The following DYRK1A variants were observed in gnomAD, a reference collection of about 807,000 sequenced individuals.
The protein encoded by DYRK1A is dual specificity tyrosine-phosphorylation-regulated kinase 1A.
Under a neutral mutation model 79.7 loss-of-function variants are expected in DYRK1A, and 9 were observed. The ratio of observed to expected loss-of-function variants is 0.11; its 90% CI spans 0.07 to 0.20. The LOEUF (loss-of-function observed/expected upper bound fraction) is 0.20. Ranked by LOEUF, DYRK1A falls within the 10% of genes least tolerant of loss-of-function variation. The pLI, the probability that DYRK1A is intolerant of heterozygous loss-of-function variation, is 1.00. For missense variants in DYRK1A, 622 were observed against 956.0 expected (o/e 0.65, Z 4.61); for synonymous variants, 349 against 329.7 (o/e 1.06, Z -0.63).
At chr21:37,501,776 T>C (rs2053458884) in intron 9 of DYRK1A, 2 of 152,220 alleles carry the variant, frequency 1.3e-5, no homozygotes, top group Non-Finnish European at 2.9e-5. Flanking sequence ...TTGTTTGATA[T>C]TTTTCTTCAT....
chr21:37,366,392 C>T (rs1294918682), upstream of DYRK1A, among the ~76,000 whole-genome samples: 1 of 145,160 alleles, frequency 6.9e-6, no homozygotes, highest in Non-Finnish European at 1.5e-5. Flanking sequence ...CTCCCCGGGC[C>T]GCAGTCGGCG....
intron 1 of DYRK1A, among the ~76,000 whole-genome samples, chr21:37,382,379 A>AG (rs1842166967): frequency 6.6e-6 from 1 of 152,120 alleles, no homozygotes; most frequent in Non-Finnish European, 1.5e-5. Flanking sequence ...TCAGTTAGTC[A>AG]GAACTCCCTG....
At chr21:37,504,998 T>A (rs1200108799) in intron 9 of DYRK1A, 1 of 310,232 alleles carries the variant, frequency 3.2e-6, no homozygotes, top group Non-Finnish European at 5.9e-6. Context: ...AGAAAAACCA[T>A]TTGTAGCTGG....
At chr21:37,428,956 C>CT (rs2050701659) in intron 2 of DYRK1A, 1 of 152,148 alleles carries the variant, frequency 6.6e-6, no homozygotes. Flanking sequence ...TTTAAGCACT[C>CT]TTTCTCCTCT....
chr21:37,517,774 C>T lies in DYRK1A; in HGVS notation c.*5243C>T, dbSNP rs1012359630. The stretch of plus-strand genomic sequence containing the variant: ...GGGAGGATGAATTTGGAATCATCAT[C>T]CACTCACTGTTGGACAGAAAGACTG... On this transcript the variant is annotated 3_prime_UTR_variant, in exon 12 of 12. Coordinates refer to ENST00000647188, the MANE Select transcript of DYRK1A (RefSeq NM_001347721.2). The T allele has an allele frequency of 6.6e-6, 1 of 152,198 alleles. No individual in the cohort carries two copies. The highest frequency in any genetic ancestry group is 2.4e-5 in the African/African-American group (1 of 41,414). The allele number at this position is 152,198 out of a possible 1,614,324, so 9.4% of individuals were successfully genotyped here.
chr21:37,377,075 G>A (rs2049559089), intron 1 of DYRK1A, among the ~76,000 whole-genome samples: 1 of 152,004 alleles, frequency 6.6e-6, no homozygotes, highest in Non-Finnish European at 1.5e-5. Context: ...AAACCAAATG[G>A]GATCAGACAT....
At chr21:37,505,910 G>A (rs571765327) in intron 10 of DYRK1A, among the ~76,000 whole-genome samples, 189 bp from the exon 11 acceptor site, 1 of 152,292 alleles carries the variant, frequency 6.6e-6, no homozygotes, top group South Asian at 2.1e-4. Flanking sequence ...GTTAAGTGGT[G>A]GACGAGAGAG....
intron 9 of DYRK1A, chr21:37,501,275 A>T (rs1222274859): frequency 6.8e-6 from 1 of 147,954 alleles, no homozygotes; most frequent in African/African-American, 2.5e-5. Flanking sequence ...GGGTCAAGCA[A>T]CTCTCCTGCC....
In DYRK1A at chr21:37,480,592, A is replaced by T. The variant is rs2052602556; in HGVS notation, c.301-46A>T. On this transcript the variant is annotated intron_variant, in intron 4 of 11. Coordinates refer to ENST00000647188, the MANE Select transcript of DYRK1A (RefSeq NM_001347721.2). The stretch of plus-strand genomic sequence containing the variant: ...ATATACTCTGATAATGCCCTTCCTC[A>T]CAGTGATTTAAATTTTACAGTTAAC... 5.5e-6 allele frequency: 8 copies of T among 1,449,810 alleles called. No individual in the cohort carries two copies. In the South Asian group the frequency reaches 1.1e-4, roughly 20 times the overall value. 89.8% of individuals were successfully genotyped at this position (1,449,810 alleles called of 1,614,324 possible).
At chr21:37,414,877 A>C (rs1238732118) in intron 1 of DYRK1A, among the ~76,000 whole-genome samples, 1 of 152,192 alleles carries the variant, frequency 6.6e-6, no homozygotes, top group Non-Finnish European at 1.5e-5. Context: ...TCACATTCTA[A>C]AGGAAGACAG....
rs151028442 is a variant in DYRK1A, at chr21:37,380,041, G to A, written c.-77+12413G>A. Among the ~76,000 whole-genome samples the A allele has an allele frequency of 2.7e-3, 411 of 152,206 alleles. 2 individuals are homozygous for A. The highest frequency in any genetic ancestry group is 9.2e-3 in the African/African-American group (384 of 41,556). On this transcript the variant is annotated intron_variant, in intron 1 of 11. Transcript: ENST00000647188. ...ATACAAATTAAATTTTCCTTAAAGC[G>A]AACATAGAGTCTATAAAATGGAATA... is the stretch of plus-strand genomic sequence containing the variant.
At chr21:37,457,950 A>G (rs2035181227) in intron 2 of DYRK1A, among the ~76,000 whole-genome samples, 1 of 152,184 alleles carries the variant, frequency 6.6e-6, no homozygotes, top group South Asian at 2.1e-4. Flanking sequence ...ACTTAGTAAC[A>G]CCTTCAGACA....
intron 2 of DYRK1A, among the ~76,000 whole-genome samples, chr21:37,460,939 T>C (rs1432695195): frequency 2.0e-5 from 3 of 152,206 alleles, no homozygotes; most frequent in Admixed American, 6.5e-5. Context: ...AGCAGCTATA[T>C]GTTGGATTAC....
intron 2 of DYRK1A, among the ~76,000 whole-genome samples, chr21:37,422,535 G>C (rs2050503529): frequency 6.6e-6 from 1 of 152,078 alleles, no homozygotes; most frequent in Non-Finnish European, 1.5e-5. Flanking sequence ...TTGTTCTGTT[G>C]GTTAGATGTG....
rs1462723472 is a variant in DYRK1A at position 37,367,456 on chromosome 21, C to T, written c.-249C>T. 1.3e-5 allele frequency: 2 copies of T among 148,628 alleles called. No homozygotes were observed. The highest frequency in any genetic ancestry group is 4.9e-5 in the African/African-American group (2 of 41,016). The allele number at this position is 148,628 out of a possible 1,614,324, so 9.2% of individuals were successfully genotyped here. A position where few individuals can be genotyped will look rare whatever the true frequency, so the allele number is the denominator to read the frequency against. On this transcript the variant is annotated 5_prime_UTR_variant, in exon 1 of 12. Coordinates refer to ENST00000647188, the MANE Select transcript of DYRK1A (RefSeq NM_001347721.2). Reference sequence around the variant, plus strand: ...CCGGCCCCGGGCGCCGCTGGAACCGCGAGCCGAGGAGAGACTGAGCAGGCT... The same window carrying T: ...CCGGCCCCGGGCGCCGCTGGAACCGTGAGCCGAGGAGAGACTGAGCAGGCT...
At chr21:37,455,570 G>T (rs2051609786) in intron 2 of DYRK1A, among the ~76,000 whole-genome samples, 1 of 152,056 alleles carries the variant, frequency 6.6e-6, no homozygotes, top group South Asian at 2.1e-4. Flanking sequence ...CGTCCGTATT[G>T]AAACAGGTTT....
At chr21:37,411,949 C>T (rs2835719) in intron 1 of DYRK1A, among the ~76,000 whole-genome samples, 29,983 of 151,986 alleles carry the variant, frequency 0.2, 3,191 homozygotes, top group East Asian at 0.36. Flanking sequence ...CATTGTATTC[C>T]GCTGTGCCAA....
At chr21:37,480,567 A>C in intron 4 of DYRK1A, 71 bp from the exon 5 acceptor site, 1 of 1,237,018 alleles carries the variant, frequency 8.1e-7, no homozygotes, top group Non-Finnish European at 1.1e-6. Context: ...GTGTGTGTCA[A>C]TATACTCTGA....
At chr21:37,394,075 T>C (rs1004257799) in intron 1 of DYRK1A, among the ~76,000 whole-genome samples, 59 of 152,186 alleles carry the variant, frequency 3.9e-4, no homozygotes, top group Admixed American at 1.3e-4. Context: ...AGTGGTTTAT[T>C]GGGCCACCAA....
Sources: allele counts gnomAD v4.1 joint callset (sites outside exome capture counted in the v4.1 genomes callset), GRCh38; gene constraint gnomAD v4.1.1; transcripts MANE v1.5; gene names NCBI Gene and HGNC (gene_info 2026-07-23, HGNC 2026-07-21).